The following DNALI1 variants were observed in gnomAD, a reference collection of about 807,000 sequenced individuals.
DNALI1 encodes dynein axonemal light intermediate chain 1.
DNALI1 carries 31 observed loss-of-function variants against 33.9 expected under a neutral mutation model. The observed-to-expected ratio is 0.91, with a 90% CI of 0.69 to 1.23. The LOEUF is 1.23. Among genes scored for constraint, DNALI1 ranks in the 50% most tolerant of loss-of-function variants. The pLI is 0.00. For synonymous variants in DNALI1, 117 were observed against 129.2 expected (o/e 0.91, Z 0.64); for missense variants, 305 against 323.8 (o/e 0.94, Z 0.44).
rs763908230 is a variant in DNALI1 at position 37,562,237 on chromosome 1, C to A, written c.733C>A (p.Gln245Lys). The change falls in exon 5 of 6, where the codon CAG (glutamine) becomes AAG (lysine). Residue 245 changes from glutamine to lysine, a missense_variant. Coordinates refer to ENST00000652629, the MANE Select transcript of DNALI1 (RefSeq NM_003462.5). The surrounding 1 kb of genome is among the most constrained non-coding windows in gnomAD (Gnocchi z 5.8). ...TCAGTTCCTGAAGCGAACAAATCAG[C>A]AGCTGAAGGTAATCAACGCGCAGGG... The part of the protein sequence containing the change: ...EIQFLKRTNQ[Q>K]LKAQLEGIIA... The A allele has an allele frequency of 2.2e-5, 35 of 1,612,682 alleles. 1 individual carries two copies. The South Asian group carries it at 3.5e-4, about 16-fold the overall frequency.
chr1:37,564,914 C>A, intron 5 of DNALI1, 112 bp from the exon 6 acceptor site: 1 of 1,129,496 alleles, frequency 8.9e-7, no homozygotes, highest in Non-Finnish European at 1.3e-6. Flanking sequence ...GGAAAAAGAA[C>A]CCTTGGAGTG....
chr1:37,562,264 G>A lies in DNALI1; in HGVS notation c.741+19G>A, dbSNP rs781592854. 3.7e-6 allele frequency: 6 copies of A among 1,605,126 alleles called. No individual in the cohort carries two copies. Among genetic ancestry groups the A allele is most frequent in the South Asian group, 1.1e-5 (1 of 90,184 alleles). ...GCTGAAGGTAATCAACGCGCAGGGT[G>A]GGGTGGAGGTGCCCCCTGCCCTGCG... On this transcript the variant is annotated intron_variant, in intron 5 of 5. Transcript: ENST00000652629. This position sits in a 1 kb window ranked among gnomAD's most constrained non-coding sequence, Gnocchi z 5.8.
In DNALI1 at chr1:37,561,854, C is replaced by T. The variant is rs976289855; in HGVS notation, c.576+119C>T. 11 of 1,419,838 alleles carry T rather than the reference C, an allele frequency of 7.7e-6. No homozygotes were observed. The highest frequency in any genetic ancestry group is 8.6e-6 in the Non-Finnish European group (9 of 1,050,730). 88.0% of individuals were successfully genotyped at this position (1,419,838 alleles called of 1,614,324 possible). ...AGGTGCTCTGCTGACAGTCACGACA[C>T]CTGGACTTGCATCACCTCAGTGAGG... is the stretch of plus-strand genomic sequence containing the variant. On this transcript the variant is annotated intron_variant, in intron 4 of 5. Transcript: ENST00000652629. This position sits in a 1 kb window ranked among gnomAD's most constrained non-coding sequence, Gnocchi z 4.6.
chr1:37,557,990 A>T (rs1003023001), intron 2 of DNALI1: 13 of 495,564 alleles, frequency 2.6e-5, no homozygotes, highest in Non-Finnish European at 4.2e-5. Context: ...CTATGTGCTG[A>T]TGGCTCCCAA....
In DNALI1 at chr1:37,557,063, A is replaced by AC; in HGVS notation, c.70dup (p.Arg24ProfsTer71). On this transcript the variant is annotated frameshift_variant, in exon 1 of 6. Coordinates refer to ENST00000652629, the MANE Select transcript of DNALI1 (RefSeq NM_003462.5). LOFTEE classifies it high-confidence loss of function. ...TGCTGGTGAGCCGGAACACGGAGAAACGGAGCCCCAAGGTAAAGACGGGGG... is the reference window on the plus strand; with the variant it reads ...TGCTGGTGAGCCGGAACACGGAGAAACCGGAGCCCCAAGGTAAAGACGGGGG... 6.2e-7 allele frequency: 1 copy of AC among 1,614,224 alleles called. No individual in the cohort carries two copies. Among genetic ancestry groups the AC allele is most frequent in the South Asian group, 1.1e-5 (1 of 91,088 alleles).
At chr1:37,564,718 C>T (rs142567164) in intron 5 of DNALI1, among the ~76,000 whole-genome samples, 83 of 152,254 alleles carry the variant, frequency 5.5e-4, no homozygotes, top group Non-Finnish European at 9.3e-4. Flanking sequence ...CATATTCTGG[C>T]CTGAAACCTG....
rs1643506995 is a variant in DNALI1, at chr1:37,566,725, C to G, written c.*1664C>G. On this transcript the variant is annotated 3_prime_UTR_variant, in exon 6 of 6. Coordinates refer to ENST00000652629, the MANE Select transcript of DNALI1 (RefSeq NM_003462.5). ...TTGAGGAGGCTTTATTTCCCTAGCA[C>G]TGGTGAAGGGCTTCAACTGTCAAAC... 1 of 813,984 alleles carries G rather than the reference C, an allele frequency of 1.2e-6. No homozygotes were observed. Among genetic ancestry groups the G allele is most frequent in the South Asian group, 1.7e-5 (1 of 58,974 alleles). 50.4% of individuals were successfully genotyped at this position (813,984 alleles called of 1,614,324 possible).
chr1:37,565,136 C>A lies in DNALI1; in HGVS notation c.*75C>A. ...GTGTTCCTCTGGCAGCCAATAAAATCATCATAAGCCCTTTGTAATAAAAAG... is the reference window on the plus strand; with the variant it reads ...GTGTTCCTCTGGCAGCCAATAAAATAATCATAAGCCCTTTGTAATAAAAAG... On this transcript the variant is annotated 3_prime_UTR_variant, in exon 6 of 6. Coordinates refer to ENST00000652629, the MANE Select transcript of DNALI1 (RefSeq NM_003462.5). 6.5e-7 allele frequency: 1 copy of A among 1,537,274 alleles called. No individual in the cohort carries two copies. The highest frequency in any genetic ancestry group is 9.0e-7 in the Non-Finnish European group (1 of 1,111,748).
At position 37,559,976 on chromosome 1, in the gene DNALI1, G is replaced by A. The variant is rs1221128479; in HGVS notation, c.397+480G>A. Among the ~76,000 whole-genome samples the A allele has an allele frequency of 4.6e-5, 7 of 152,328 alleles. No homozygotes were observed. The East Asian group carries it at 1.4e-3, about 29-fold the overall frequency. ...GTGTCACGAATAAGTTCAAGGGAAG[G>A]TACTATGCCTGGATGTGCACGTAGG... On this transcript the variant is annotated intron_variant, in intron 3 of 5. Transcript: ENST00000652629. The surrounding 1 kb of genome is among the most constrained non-coding windows in gnomAD (Gnocchi z 5.3).
At chr1:37,558,017 C>T in intron 2 of DNALI1, 1 of 418,626 alleles carries the variant, frequency 2.4e-6, no homozygotes, top group Non-Finnish European at 4.3e-6. Context: ...ATTTCCAGCC[C>T]TGTCTTCTCC....
chr1:37,563,329 G>C (rs1250583532), intron 5 of DNALI1, among the ~76,000 whole-genome samples: 1 of 152,182 alleles, frequency 6.6e-6, no homozygotes, highest in African/African-American at 2.4e-5. Context: ...CAGCCTCTGA[G>C]GCTGCTTTCC....
chr1:37,557,901 C>A, intron 2 of DNALI1, 153 bp downstream of exon 2: 2 of 1,092,418 alleles, frequency 1.8e-6, no homozygotes, highest in Non-Finnish European at 2.6e-6. Flanking sequence ...TGGATCCTGG[C>A]AGGGTGGTGG....
chr1:37,566,760 A>G lies in DNALI1; in HGVS notation c.*1699A>G. On this transcript the variant is annotated 3_prime_UTR_variant, in exon 6 of 6. Transcript: ENST00000652629. ...GCTTCAACTGTCAAACCTCAGAACA[A>G]ATGCATTAGGGCCTTAGAAATGTCA... The G allele has an allele frequency of 1.7e-6, 2 of 1,148,552 alleles. No individual in the cohort carries two copies. Among genetic ancestry groups the G allele is most frequent in the Non-Finnish European group, 2.5e-6 (2 of 786,072 alleles). 71.1% of individuals were successfully genotyped at this position (1,148,552 alleles called of 1,614,324 possible). A position where few individuals can be genotyped will look rare whatever the true frequency, so the allele number is the denominator to read the frequency against.
chr1:37,563,258 T>G (rs916441948), intron 5 of DNALI1, among the ~76,000 whole-genome samples: 1 of 152,244 alleles, frequency 6.6e-6, no homozygotes. Flanking sequence ...ACTGGAACTT[T>G]TCTTGTTGCA....
rs1557632496 is a variant in DNALI1 at position 37,559,624 on chromosome 1, C to G, written c.397+128C>G. 1 of 1,114,094 alleles carries G rather than the reference C, an allele frequency of 9.0e-7. No homozygotes were observed. Among genetic ancestry groups the G allele is most frequent in the Non-Finnish European group, 1.2e-6 (1 of 846,978 alleles). 69.0% of individuals were successfully genotyped at this position (1,114,094 alleles called of 1,614,324 possible). On this transcript the variant is annotated intron_variant, in intron 3 of 5. Coordinates refer to ENST00000652629, the MANE Select transcript of DNALI1 (RefSeq NM_003462.5). The surrounding 1 kb of genome is among the most constrained non-coding windows in gnomAD (Gnocchi z 5.3). ...CTCATGCTGGAATCCCCTCTTCTCC[C>G]CCTGCCTGACCCACCCAGCAACAGC...
In DNALI1 at chr1:37,562,028, A is replaced by G; in HGVS notation, c.577-53A>G. On this transcript the variant is annotated intron_variant, in intron 4 of 5. Coordinates refer to ENST00000652629, the MANE Select transcript of DNALI1 (RefSeq NM_003462.5). The surrounding 1 kb of genome is among the most constrained non-coding windows in gnomAD (Gnocchi z 5.8). ...CCATGTCCCTTCCACCCAGGCTCACACCATTCCATTCACCTGGCGACATCC... is the reference window on the plus strand; with the variant it reads ...CCATGTCCCTTCCACCCAGGCTCACGCCATTCCATTCACCTGGCGACATCC... 6.2e-7 allele frequency: 1 copy of G among 1,611,312 alleles called. No individual in the cohort carries two copies. Among genetic ancestry groups the G allele is most frequent in the Non-Finnish European group, 8.5e-7 (1 of 1,178,504 alleles).
Position 37,562,362 on chromosome 1 carries a change from A to G in DNALI1, c.741+117A>G. On this transcript the variant is annotated intron_variant, in intron 5 of 5. Transcript: ENST00000652629. This position sits in a 1 kb window ranked among gnomAD's most constrained non-coding sequence, Gnocchi z 5.8. ...AATGTTTGTCCACATGCACTGCCAA[A>G]GGATAAAGGAAGCTGACTTTGGTGG... The G allele has an allele frequency of 3.0e-6, 4 of 1,353,074 alleles. No homozygotes were observed. The South Asian group carries it at 5.9e-5, about 20-fold the overall frequency. 83.8% of individuals were successfully genotyped at this position (1,353,074 alleles called of 1,614,324 possible). A position where few individuals can be genotyped will look rare whatever the true frequency, so the allele number is the denominator to read the frequency against.
chr1:37,560,178 AGGCCTTTCTCTTATCTCAACGGCAAGG>A (rs1200342209), intron 3 of DNALI1, among the ~76,000 whole-genome samples: 1 of 152,200 alleles, frequency 6.6e-6, no homozygotes, highest in African/African-American at 2.4e-5. Flanking sequence ...CAGAAGACAG[AGGCCTTTCTCTTATCTCAACGGCAAGG>A]GGCCTTCCTC....
intron 5 of DNALI1, among the ~76,000 whole-genome samples, chr1:37,564,024 A>G (rs1220138715): frequency 1.3e-5 from 2 of 151,230 alleles, no homozygotes; most frequent in Admixed American, 1.3e-4. Flanking sequence ...ACATGAGGTC[A>G]GGAGTTTGAG....
Sources: gnomAD v4.1 joint callset for allele counts (sites outside exome capture counted in the v4.1 genomes callset) on GRCh38, gnomAD v4.1.1 for gene constraint, Gnocchi (gnomAD v3.1) non-coding constraint, MANE v1.5 for transcripts, NCBI Gene and HGNC (gene_info 2026-07-23, HGNC 2026-07-21) for gene names.